Variants in C2CD3 observed in about 807,000 individuals in gnomAD.
The protein encoded by C2CD3 is C2 domain containing 3 centriole elongation regulator, also known as C2 domain-containing protein 3.
C2CD3 carries 148 observed loss-of-function variants against 234.0 expected under a neutral mutation model. That is an observed-to-expected ratio of 0.63 (90% CI 0.55 to 0.72). The LOEUF is 0.72. Ranked by LOEUF, C2CD3 falls within the 30% of genes least tolerant of loss-of-function variation. The probability of loss-of-function intolerance (pLI) is 0.00; values close to 1 mark genes in which losing one functional copy is unlikely to be tolerated. For missense variants in C2CD3, 2,577 were observed against 2,811.5 expected (o/e 0.92, Z 1.89); for synonymous variants, 1,000 against 1,035.4 (o/e 0.97, Z 0.66).
Position 74,034,159 on chromosome 11 carries a change from A to G in C2CD3, c.6001T>C (p.Cys2001Arg), listed in dbSNP as rs1021305280. Residue 2001 changes from cysteine (C) to arginine (R), a missense_variant, in exon 31 of 33, where the codon TGC (cysteine) becomes CGC (arginine). Physicochemically the swap from Cys to Arg is radical, Grantham distance 180. Transcript: ENST00000334126. ...AQDTEALQER[C>R]TMPDEPLVRA... Reference sequence around the variant, plus strand: ...ACCAATGGCTCATCTGGCATTGTGCATCGTTCTTGCAGTGCTTCTGTGTCC... The same window carrying G: ...ACCAATGGCTCATCTGGCATTGTGCGTCGTTCTTGCAGTGCTTCTGTGTCC... 6.5e-7 allele frequency: 1 copy of G among 1,535,860 alleles called. No homozygotes were observed. Among genetic ancestry groups the G allele is most frequent in the African/African-American group, 1.4e-5 (1 of 72,940 alleles).
Position 74,111,788 on chromosome 11 carries a change from A to AT in C2CD3, c.1843+1991dup, listed in dbSNP as rs559394136. Among the ~76,000 whole-genome samples the AT allele has an allele frequency of 7.4e-4, 110 of 149,348 alleles. No homozygotes were observed. In the South Asian group the frequency reaches 0.011, roughly 15 times the overall value. ...TAAAACACTGTAAGATTTTTTTGCG[A>AT]TTTTTTTTTTAAGCTCATCAGCTAT... is the stretch of plus-strand genomic sequence containing the variant. On this transcript the variant is annotated intron_variant, in intron 11 of 32. Transcript: ENST00000334126.
intron 8 of C2CD3, 33 bp downstream of exon 8, chr11:74,122,955 C>A: frequency 6.3e-7 from 1 of 1,580,858 alleles, no homozygotes. Context: ...CATTTGTTCT[C>A]TAATTCTCAA....
At chr11:74,162,705 C>G (rs182596714) in intron 2 of C2CD3, among the ~76,000 whole-genome samples, 1 of 152,248 alleles carries the variant, frequency 6.6e-6, no homozygotes, top group African/African-American at 2.4e-5. Flanking sequence ...AAATATTTAG[C>G]ATAGCAAGTA....
chr11:74,119,658 T>A (rs1237639845), intron 8 of C2CD3, among the ~76,000 whole-genome samples: 1 of 149,576 alleles, frequency 6.7e-6, no homozygotes, highest in Non-Finnish European at 1.5e-5. Context: ...TTTTTTGAGA[T>A]GGAGTCTCAG....
At chr11:74,101,110 A>G (rs1258419752) in intron 14 of C2CD3, among the ~76,000 whole-genome samples, 1 of 152,242 alleles carries the variant, frequency 6.6e-6, no homozygotes, top group East Asian at 1.9e-4. Flanking sequence ...CACTGGCTGG[A>G]TAGCATTTAA....
chr11:74,147,965 T>C (rs918585860), intron 3 of C2CD3, among the ~76,000 whole-genome samples: 5 of 152,196 alleles, frequency 3.3e-5, no homozygotes, highest in African/African-American at 1.2e-4. Context: ...GTGTAACATA[T>C]GGAGGTTAAT....
At chr11:74,098,483 T>G (rs1956193922) in intron 15 of C2CD3, among the ~76,000 whole-genome samples, 1 of 152,220 alleles carries the variant, frequency 6.6e-6, no homozygotes, top group Non-Finnish European at 1.5e-5. Context: ...GTCTGATATG[T>G]CTCTGTAGCA....
intron 3 of C2CD3, among the ~76,000 whole-genome samples, chr11:74,148,582 T>C (rs907054098): frequency 2.0e-5 from 3 of 152,154 alleles, no homozygotes; most frequent in East Asian, 1.9e-4. Flanking sequence ...GCCAGTCTGC[T>C]TGACTCATTT....
At chr11:74,105,116 T>C (rs1326488614) in intron 13 of C2CD3, among the ~76,000 whole-genome samples, 2 of 152,204 alleles carry the variant, frequency 1.3e-5, no homozygotes, top group African/African-American at 4.8e-5. Context: ...ACCAGCATGA[T>C]ACCTTACTGA....
chr11:74,100,457 G>T lies in C2CD3; in HGVS notation c.2732+68C>A, dbSNP rs866044251. The T allele has an allele frequency of 1.1e-5, 15 of 1,420,422 alleles. No homozygotes were observed. The South Asian group carries it at 1.9e-4, about 18-fold the overall frequency. The allele number at this position is 1,420,422 out of a possible 1,614,324, so 88.0% of individuals were successfully genotyped here. ...GGCTATTCATGTTTGCAAATCAAAA[G>T]AATTCCTTTTCAGTCCATGCAAAGT... is the stretch of plus-strand genomic sequence containing the variant. On this transcript the variant is annotated intron_variant, in intron 15 of 32. Coordinates refer to ENST00000334126, the MANE Select transcript of C2CD3 (RefSeq NM_001286577.2).
At chr11:74,063,613 T>C (rs1430975581) in intron 24 of C2CD3, among the ~76,000 whole-genome samples, 1 of 152,232 alleles carries the variant, frequency 6.6e-6, no homozygotes, top group Non-Finnish European at 1.5e-5. Context: ...AAACTAGGTA[T>C]TGATGGGGTG....
At chr11:74,045,907 T>C (rs1012748446) in intron 28 of C2CD3, among the ~76,000 whole-genome samples, 4 of 152,326 alleles carry the variant, frequency 2.6e-5, no homozygotes, top group Middle Eastern at 3.4e-3. Flanking sequence ...TGTTGGTATA[T>C]AGAAATACAA....
chr11:74,046,351 T>C (rs1422856394), intron 28 of C2CD3, among the ~76,000 whole-genome samples: 1 of 152,216 alleles, frequency 6.6e-6, no homozygotes. Flanking sequence ...AGGTACTTTT[T>C]ATTATTTTAA....
At chr11:74,103,701 A>T (rs769239296) in intron 13 of C2CD3, 76 bp from the exon 14 acceptor site, 3 of 1,206,998 alleles carry the variant, frequency 2.5e-6, no homozygotes, top group Non-Finnish European at 2.3e-6. Flanking sequence ...GCTGGAAACA[A>T]CATCAGATTA....
chr11:74,090,092 T>C (rs914554333), intron 20 of C2CD3, among the ~76,000 whole-genome samples: 2 of 151,358 alleles, frequency 1.3e-5, no homozygotes, highest in African/African-American at 4.9e-5. Context: ...AGAAGCAACA[T>C]GGGGGTTGTG....
chr11:74,064,957 A>G (rs1186608868), intron 24 of C2CD3, among the ~76,000 whole-genome samples: 1 of 152,258 alleles, frequency 6.6e-6, no homozygotes, highest in East Asian at 1.9e-4. Context: ...ACCTAAAACC[A>G]TAAAAACCCT....
At chr11:74,065,249 C>T (rs1399180448) in intron 24 of C2CD3, among the ~76,000 whole-genome samples, 1 of 152,080 alleles carries the variant, frequency 6.6e-6, no homozygotes, top group East Asian at 1.9e-4. Flanking sequence ...AAAAAGTGGG[C>T]AAAGGATATG....
intron 5 of C2CD3, 50 bp from the exon 6 acceptor site, chr11:74,133,607 C>T (rs753825028): frequency 1.3e-6 from 2 of 1,599,430 alleles, no homozygotes; most frequent in Non-Finnish European, 1.7e-6. Flanking sequence ...GCAGCAGAAA[C>T]ATTTGGAATA....
chr11:74,071,502 G>C (rs545827658), intron 24 of C2CD3, among the ~76,000 whole-genome samples: 5 of 152,262 alleles, frequency 3.3e-5, no homozygotes, highest in Admixed American at 1.3e-4. Context: ...TCTGCAGAGC[G>C]CATTAACTAT....
Sources: gnomAD v4.1 joint callset for allele counts (sites outside exome capture counted in the v4.1 genomes callset) on GRCh38, gnomAD v4.1.1 for gene constraint, MANE v1.5 for transcripts, NCBI Gene and HGNC (gene_info 2026-07-23, HGNC 2026-07-21) for gene names.